The following NPIPB11 variants were observed in gnomAD, a reference collection of about 807,000 sequenced individuals.
NPIPB11 encodes the protein nuclear pore complex interacting protein family member B11, also known as nuclear pore complex-interacting protein family member B11.
In NPIPB11, 17 loss-of-function variants were observed where a neutral mutation model predicts 32.8. That is an observed-to-expected ratio of 0.52 (90% CI 0.35 to 0.78). The LOEUF (loss-of-function observed/expected upper bound fraction) is 0.78. Ranked by LOEUF, NPIPB11 falls within the 30% of genes least tolerant of loss-of-function variation. The pLI, the probability that NPIPB11 is intolerant of heterozygous loss-of-function variation, is 0.01. For missense variants in NPIPB11, 537 were observed against 1,000.4 expected (o/e 0.54, Z 6.25); for synonymous variants, 209 against 398.4 (o/e 0.52, Z 5.66).
At chr16:29,394,023 A>T in exon 3 of NPIPB11, 1 of 1,599,498 alleles carries the variant, frequency 6.3e-7, no homozygotes, top group Non-Finnish European at 8.5e-7. Flanking sequence ...GTAACCAAGG[A>T]CTTCCACCAA....
At chr16:29,404,774 G>T (rs1281560792), upstream of NPIPB11, among the ~76,000 whole-genome samples, 1 of 147,698 alleles carries the variant, frequency 6.8e-6, no homozygotes, top group African/African-American at 2.5e-5. Context: ...TGCCAGGGCA[G>T]TGGTCACCTG....
upstream of NPIPB11, among the ~76,000 whole-genome samples, chr16:29,404,608 A>C (rs1344890237): frequency 6.8e-6 from 1 of 147,894 alleles, no homozygotes; most frequent in Non-Finnish European, 1.5e-5. Flanking sequence ...CATGATCGCC[A>C]GCTATGCTCT....
intron 2 of NPIPB11, chr16:29,397,569 C>A (rs979639452): frequency 1.2e-5 from 18 of 1,523,652 alleles, no homozygotes; most frequent in Non-Finnish European, 1.4e-5. Context: ...TCTACTCACA[C>A]GGATGCACTG....
chr16:29,395,882 G>A (rs1291161196), intron 2 of NPIPB11, among the ~76,000 whole-genome samples: 1 of 151,152 alleles, frequency 6.6e-6, no homozygotes, highest in Admixed American at 6.6e-5. Context: ...GGAGGCTGAG[G>A]CAGAAGAATC....
rs555328337 is a variant in NPIPB11, at chr16:29,391,838, G to A, written c.250-1490C>T. 4.1e-3 allele frequency among the ~76,000 whole-genome samples: 616 copies of A among 151,816 alleles called. 4 individuals carry two copies. Among genetic ancestry groups the A allele is most frequent in the African/African-American group, 0.014 (583 of 41,380 alleles). ...CAGATTCAAGCGATTCTTGTGCCTC[G>A]GCCTCCCAAGTAGCTGGGATTACAG... On this transcript the variant is annotated intron_variant, in intron 3 of 7. Coordinates refer to ENST00000524087, the Ensembl canonical transcript of NPIPB11.
chr16:29,402,695 T>C (rs927241560), intron 2 of NPIPB11, among the ~76,000 whole-genome samples: 4 of 114,680 alleles, frequency 3.5e-5, no homozygotes, highest in Non-Finnish European at 7.5e-5. Flanking sequence ...AGAGTGAAAC[T>C]CTGTCTCTCT....
chr16:29,383,297 C>A (rs1257038236), exon 8 of NPIPB11: 1 of 1,552,698 alleles, frequency 6.4e-7, no homozygotes, highest in South Asian at 1.1e-5. Flanking sequence ...GCGGCCCCCG[C>A]AGATGCTCGG....
chr16:29,392,234 G>A (rs1238824036), intron 3 of NPIPB11, among the ~76,000 whole-genome samples: 1 of 152,148 alleles, frequency 6.6e-6, no homozygotes, highest in East Asian at 1.9e-4. Context: ...AACACATGAA[G>A]AAATGACAAG....
intron 2 of NPIPB11, among the ~76,000 whole-genome samples, chr16:29,401,734 A>T (rs1238531247): frequency 2.6e-5 from 4 of 152,108 alleles, no homozygotes; most frequent in Non-Finnish European, 5.9e-5. Context: ...AAGAGTTGGG[A>T]GCCATTGAGA....
At chr16:29,390,860 G>A (rs1467527243) in intron 3 of NPIPB11, among the ~76,000 whole-genome samples, 1 of 151,286 alleles carries the variant, frequency 6.6e-6, no homozygotes, top group East Asian at 1.9e-4. Flanking sequence ...CTAGTCGGGA[G>A]GTTGAGGCAG....
upstream of NPIPB11, among the ~76,000 whole-genome samples, chr16:29,405,769 T>C (rs541907347): frequency 1.1e-4 from 16 of 152,174 alleles, no homozygotes; most frequent in Admixed American, 3.9e-4. Context: ...CTCCTACACC[T>C]CCTATAATAC....
At chr16:29,401,131 G>A (rs1324047570) in intron 2 of NPIPB11, among the ~76,000 whole-genome samples, 1 of 152,144 alleles carries the variant, frequency 6.6e-6, no homozygotes, top group Non-Finnish European at 1.5e-5. Flanking sequence ...CGGGGGCACT[G>A]TCAGTGTGGG....
chr16:29,389,914 CAGT>C (rs1963671202), intron 5 of NPIPB11, 24 bp downstream of exon 5: 1 of 1,584,058 alleles, frequency 6.3e-7, no homozygotes, highest in African/African-American at 1.4e-5. Context: ...GTTCCTACAA[CAGT>C]ATTTGTGTCA....
intron 2 of NPIPB11, among the ~76,000 whole-genome samples, chr16:29,400,873 G>C (rs1437931035): frequency 1.3e-5 from 2 of 152,088 alleles, no homozygotes; most frequent in East Asian, 1.9e-4. Context: ...TGAGCAAGTA[G>C]AGTCACCAAG....
At chr16:29,390,925 T>C (rs924439311) in intron 3 of NPIPB11, among the ~76,000 whole-genome samples, 1 of 141,946 alleles carries the variant, frequency 7.0e-6, no homozygotes, top group African/African-American at 2.7e-5. Flanking sequence ...ATTGTGCCAT[T>C]GCACTCCAAC....
Position 29,384,067 on chromosome 16 carries a change from G to C in NPIPB11, c.865C>G (p.Leu289Val), listed in dbSNP as rs202027988. ...GCTGAGGGTGGAAGGGGAGTGAGCAGACACTCGGGAGGTGTCTTGAGATTA... is the reference window on the plus strand; with the variant it reads ...GCTGAGGGTGGAAGGGGAGTGAGCACACACTCGGGAGGTGTCTTGAGATTA... The change falls in exon 8 of 8, where the codon CTG becomes GTG. Residue 289 changes from leucine to valine, a missense_variant. Physicochemically the swap from Leu to Val is conservative, Grantham distance 32 (BLOSUM62 1). Transcript: ENST00000524087. 3,049 of 1,194,374 alleles carry C rather than the reference G, an allele frequency of 2.6e-3. 162 individuals are homozygous for C. The highest frequency in any genetic ancestry group is 5.9e-3 in the Middle Eastern group (19 of 3,200). The allele number at this position is 1,194,374 out of a possible 1,614,324, so 74.0% of individuals were successfully genotyped here.
rs554606414 is a variant in NPIPB11, at chr16:29,383,019, A to G, written c.1913T>C (p.Met638Thr). Residue 638 changes from methionine (M) to threonine (T), a missense_variant, in exon 8 of 8, where the codon ATG becomes ACG. By Grantham distance (81) the Met-to-Thr change is moderately conservative. Coordinates refer to ENST00000524087, the Ensembl canonical transcript of NPIPB11. Reference sequence around the variant, plus strand: ...GCTCGGAAGGTGTCTTGAGATTATCATCCGCTGACGGTGGAAGCGGAACCC... The same window carrying G: ...GCTCGGAAGGTGTCTTGAGATTATCGTCCGCTGACGGTGGAAGCGGAACCC... 38 of 1,606,970 alleles carry G rather than the reference A, an allele frequency of 2.4e-5. 1 individual carries two copies. Among genetic ancestry groups the G allele is most frequent in the Non-Finnish European group, 3.1e-5 (36 of 1,177,834 alleles).
At chr16:29,401,495 A>G in intron 2 of NPIPB11, among the ~76,000 whole-genome samples, 1 of 152,082 alleles carries the variant, frequency 6.6e-6, no homozygotes, top group Non-Finnish European at 1.5e-5. Flanking sequence ...CTGGCTGAGG[A>G]TAAAGCAAAT....
rs911490614 is a variant in NPIPB11, at chr16:29,397,129, C to G, written c.121-3053G>C. On this transcript the variant is annotated intron_variant, in intron 2 of 7. Transcript: ENST00000524087. ...GAGGTTGCAGTGAGCCGAGATCTTG[C>G]CACTGCACTCCAGCCTGGGCGACAG... 6.2e-4 allele frequency among the ~76,000 whole-genome samples: 93 copies of G among 149,094 alleles called. 1 individual carries two copies. Among genetic ancestry groups the G allele is most frequent in the Non-Finnish European group, 7.8e-4 (52 of 66,578 alleles).
Sources: allele counts gnomAD v4.1 joint callset (sites outside exome capture counted in the v4.1 genomes callset), GRCh38; gene constraint gnomAD v4.1.1; transcripts MANE v1.5; gene names NCBI Gene and HGNC (gene_info 2026-07-23, HGNC 2026-07-21).